The following CSMD1 variants were observed in gnomAD, a reference collection of about 807,000 sequenced individuals.
CSMD1 encodes CUB and sushi domain-containing protein 1.
In CSMD1, 213 loss-of-function variants were observed where a neutral mutation model predicts 417.5. The observed-to-expected ratio is 0.51, with a 90% CI of 0.46 to 0.57. The LOEUF (loss-of-function observed/expected upper bound fraction) is 0.57. CSMD1 is among the 20% of genes least tolerant of loss of function. CSMD1 has a pLI of 0.00. For missense variants in CSMD1, 6,923 were observed against 4,529.7 expected (o/e 1.53, Z -15.17); for synonymous variants, 2,862 against 1,736.8 (o/e 1.65, Z -16.11).
chr8:4,193,059 T>C (rs1009717337), intron 3 of CSMD1, among the ~76,000 whole-genome samples: 2 of 152,356 alleles, frequency 1.3e-5, no homozygotes, highest in African/African-American at 2.4e-5. Flanking sequence ...TATGTATTTA[T>C]CTTATTTGAA....
Position 3,248,361 on chromosome 8 carries a change from A to G in CSMD1, c.4154-18130T>C, listed in dbSNP as rs76720826. The stretch of plus-strand genomic sequence containing the variant: ...CCATGTTTACTCTTAAAATATCCCA[A>G]TTTGAATAAAAATTACATAATCTTC... On this transcript the variant is annotated intron_variant, in intron 26 of 69. Transcript: ENST00000635120. 8.3e-3 allele frequency among the ~76,000 whole-genome samples: 1,264 copies of G among 152,248 alleles called. 11 individuals carry two copies. The highest frequency in any genetic ancestry group is 0.014 in the Non-Finnish European group (934 of 68,010).
At chr8:3,566,604 A>C (rs1585380570) in intron 10 of CSMD1, among the ~76,000 whole-genome samples, 1 of 152,066 alleles carries the variant, frequency 6.6e-6, no homozygotes, top group Admixed American at 6.5e-5. Context: ...AAAAACCATT[A>C]AAAAGTGGGC....
chr8:4,543,392 A>C (rs11786833), intron 2 of CSMD1, among the ~76,000 whole-genome samples: 1 of 151,982 alleles, frequency 6.6e-6, no homozygotes, highest in African/African-American at 2.4e-5. Flanking sequence ...GGAATTATAC[A>C]GTTTGTAGCC....
intron 5 of CSMD1, among the ~76,000 whole-genome samples, chr8:3,977,996 T>C (rs191392976): frequency 2.0e-5 from 3 of 152,310 alleles, no homozygotes; most frequent in East Asian, 3.9e-4. Context: ...CATGAGAGCA[T>C]CTCATAGCTC....
chr8:3,791,016 A>G (rs1799708343), intron 5 of CSMD1, among the ~76,000 whole-genome samples: 1 of 152,236 alleles, frequency 6.6e-6, no homozygotes, highest in African/African-American at 2.4e-5. Context: ...CCTTCAGGTT[A>G]TAAAGACTCC....
chr8:4,529,675 T>C (rs1265121408), intron 2 of CSMD1, among the ~76,000 whole-genome samples: 1 of 151,926 alleles, frequency 6.6e-6, no homozygotes, highest in Non-Finnish European at 1.5e-5. Context: ...AGCAAATTAG[T>C]TTTTAGTGTA....
intron 2 of CSMD1, among the ~76,000 whole-genome samples, chr8:4,499,980 C>A (rs1383162160): frequency 6.6e-6 from 1 of 152,006 alleles, no homozygotes; most frequent in Non-Finnish European, 1.5e-5. Flanking sequence ...TATCTATGAA[C>A]TAAATCCCAG....
rs958689697 is a variant in CSMD1 at position 3,255,887 on chromosome 8, C to A, written c.4154-25656G>T. On this transcript the variant is annotated intron_variant, in intron 26 of 69. Coordinates refer to ENST00000635120, the MANE Select transcript of CSMD1 (RefSeq NM_033225.6). ...GCACCCACTGTCCTGCACCCACTTT[C>A]CGACACTCGCCAGTGAGATGAACCT... Among the ~76,000 whole-genome samples the A allele has an allele frequency of 2.6e-5, 4 of 152,294 alleles. 1 individual carries two copies. The highest frequency in any genetic ancestry group is 2.6e-4 in the Admixed American group (4 of 15,296).
intron 1 of CSMD1, among the ~76,000 whole-genome samples, chr8:4,868,436 A>G (rs1363368318): frequency 1.3e-5 from 2 of 151,956 alleles, no homozygotes; most frequent in African/African-American, 2.4e-5. Flanking sequence ...GGGTTTTGCC[A>G]CATTGATCAG....
chr8:3,940,484 T>A (rs1042021822), intron 5 of CSMD1, among the ~76,000 whole-genome samples: 11 of 147,136 alleles, frequency 7.5e-5, no homozygotes, highest in South Asian at 2.2e-4. Flanking sequence ...CAGTAAAATT[T>A]AAATTATTTC....
At chr8:4,116,878 A>T (rs529270015) in intron 3 of CSMD1, among the ~76,000 whole-genome samples, 1 of 152,158 alleles carries the variant, frequency 6.6e-6, no homozygotes, top group Non-Finnish European at 1.5e-5. Flanking sequence ...TGCCAGAAAA[A>T]GAATAAGCTT....
At chr8:3,589,894 T>C (rs567047158) in intron 8 of CSMD1, among the ~76,000 whole-genome samples, 2 of 152,204 alleles carry the variant, frequency 1.3e-5, no homozygotes, top group South Asian at 4.2e-4. Flanking sequence ...GAAAAGAAAA[T>C]ATCACCACTC....
chr8:3,512,600 CTTTTTTTT>C (rs760320227), intron 10 of CSMD1, among the ~76,000 whole-genome samples: 1 of 127,690 alleles, frequency 7.8e-6, no homozygotes, highest in East Asian at 2.3e-4. Context: ...TAATTTTTTT[CTTTTTTTT>C]TTTTTTTTTT....
chr8:4,302,671 G>C (rs1019848553), intron 3 of CSMD1, among the ~76,000 whole-genome samples: 1 of 152,158 alleles, frequency 6.6e-6, no homozygotes, highest in Non-Finnish European at 1.5e-5. Context: ...ATGTTCAAAA[G>C]CATTCATCTC....
intron 12 of CSMD1, among the ~76,000 whole-genome samples, chr8:3,420,608 C>G (rs1462181142): frequency 6.6e-6 from 1 of 152,040 alleles, no homozygotes; most frequent in Non-Finnish European, 1.5e-5. Flanking sequence ...ACTTTAAAAT[C>G]AAAAATGTTA....
chr8:3,105,454 G>A (rs1279389355), intron 46 of CSMD1, among the ~76,000 whole-genome samples: 1 of 152,160 alleles, frequency 6.6e-6, no homozygotes, highest in African/African-American at 2.4e-5. Flanking sequence ...ATGATGTTTC[G>A]ACTTACTTGA....
chr8:3,212,793 T>C (rs1797689320), intron 30 of CSMD1, among the ~76,000 whole-genome samples: 3 of 152,138 alleles, frequency 2.0e-5, no homozygotes, highest in East Asian at 3.9e-4. Flanking sequence ...GGTTTTGTTT[T>C]ATTTTGTTTT....
intron 3 of CSMD1, among the ~76,000 whole-genome samples, chr8:4,160,877 G>C (rs1343844007): frequency 6.6e-6 from 1 of 152,158 alleles, no homozygotes; most frequent in Non-Finnish European, 1.5e-5. Context: ...ATTCTAAAAA[G>C]GACATACTGC....
At chr8:4,745,154 T>C (rs1448321652) in intron 1 of CSMD1, among the ~76,000 whole-genome samples, 1 of 152,114 alleles carries the variant, frequency 6.6e-6, no homozygotes, top group African/African-American at 2.4e-5. Flanking sequence ...AAATTAGATT[T>C]ATCTTATGTA....
Sources: allele counts gnomAD v4.1 joint callset (sites outside exome capture counted in the v4.1 genomes callset), GRCh38; gene constraint gnomAD v4.1.1; transcripts MANE v1.5; gene names NCBI Gene and HGNC (gene_info 2026-07-23, HGNC 2026-07-21).